KIF15: variants seen among roughly 807,000 people sequenced by gnomAD.
The protein encoded by KIF15 is kinesin family member 15.
Under a neutral mutation model 190.6 loss-of-function variants are expected in KIF15, and 140 were observed. That is an observed-to-expected ratio of 0.73 (90% CI 0.64 to 0.84). The LOEUF (loss-of-function observed/expected upper bound fraction) is 0.84. Ranked by LOEUF, KIF15 falls within the 40% of genes least tolerant of loss-of-function variation. The pLI, the probability that KIF15 is intolerant of heterozygous loss-of-function variation, is 0.00. For missense variants in KIF15, 1,372 were observed against 1,584.4 expected, an observed-to-expected ratio of 0.87 and a Z score of 2.28; for synonymous variants, 528 against 551.3, an observed-to-expected ratio of 0.96 and a Z score of 0.59.
At chr3:44,801,209 GGGA>G (rs1575611056) in intron 11 of KIF15, among the ~76,000 whole-genome samples, 9 of 127,738 alleles carry the variant, frequency 7.0e-5, no homozygotes, top group Admixed American at 1.5e-4. Context: ...CGGGGGCGGC[GGGA>G]GGGGGGGGTC....
chr3:44,799,590 G>T (rs546312581), intron 10 of KIF15, among the ~76,000 whole-genome samples: 2 of 142,396 alleles, frequency 1.4e-5, no homozygotes, highest in East Asian at 2.0e-4. Context: ...ATAGAGTCTC[G>T]CTCTGTCAAC....
At position 44,848,781 on chromosome 3, in the gene KIF15, G is replaced by C. The variant is rs573228367; in HGVS notation, c.3806+223G>C. ...AGAAATAAATAGCAGGAAAAGCCTA[G>C]CTTCCCTTGAGGAATCGATGGGGCT... On this transcript the variant is annotated intron_variant, in intron 32 of 34. Coordinates refer to ENST00000326047, the MANE Select transcript of KIF15 (RefSeq NM_020242.3). 8.5e-5 allele frequency among the ~76,000 whole-genome samples: 13 copies of C among 152,250 alleles called. No homozygotes were observed. In the South Asian group the frequency reaches 2.7e-3, roughly 32 times the overall value.
intron 3 of KIF15, among the ~76,000 whole-genome samples, chr3:44,777,435 T>G (rs1436247500): frequency 2.6e-5 from 4 of 152,166 alleles, no homozygotes; most frequent in Non-Finnish European, 5.9e-5. Flanking sequence ...GGCTCACGCC[T>G]GTAATCCCAG....
intron 7 of KIF15, among the ~76,000 whole-genome samples, chr3:44,791,837 C>G (rs1457221686): frequency 2.0e-5 from 3 of 152,146 alleles, no homozygotes; most frequent in Non-Finnish European, 2.9e-5. Flanking sequence ...CCTGCCTCAG[C>G]CTCCCGAGTA....
chr3:44,820,984 C>A lies in KIF15; in HGVS notation c.2550-5055C>A, dbSNP rs1452675799. Among the ~76,000 whole-genome samples, 14 of 148,112 alleles carry A rather than the reference C, an allele frequency of 9.5e-5. No homozygotes were observed. In the East Asian group the frequency reaches 2.5e-3, roughly 27 times the overall value. On this transcript the variant is annotated intron_variant, in intron 20 of 34. Coordinates refer to ENST00000326047, the MANE Select transcript of KIF15 (RefSeq NM_020242.3). Reference sequence around the variant, plus strand: ...GGTGGCTGGCCGGGCAGGGGGCTGACCCCCCCACCTCCCTCCCGGACGGGG... The same window carrying A: ...GGTGGCTGGCCGGGCAGGGGGCTGAACCCCCCACCTCCCTCCCGGACGGGG...
intron 3 of KIF15, among the ~76,000 whole-genome samples, chr3:44,777,213 GT>G (rs980044050): frequency 1.3e-5 from 2 of 151,732 alleles, no homozygotes; most frequent in Non-Finnish European, 2.9e-5. Flanking sequence ...CCCTAGGCTG[GT>G]CTCGAACTCC....
intron 6 of KIF15, among the ~76,000 whole-genome samples, chr3:44,867,314 G>A (rs1265057112): frequency 6.6e-6 from 1 of 152,142 alleles, no homozygotes; most frequent in Non-Finnish European, 1.5e-5. Flanking sequence ...TTGGTCACCA[G>A]CCACCTACCT....
intron 1 of KIF15, among the ~76,000 whole-genome samples, chr3:44,774,163 G>A (rs1705760710): frequency 6.6e-6 from 1 of 152,130 alleles, no homozygotes; most frequent in Non-Finnish European, 1.5e-5. Flanking sequence ...CAATGACCTG[G>A]GCAGCATTTG....
chr3:44,801,637 G>C (rs897567400), intron 12 of KIF15, 111 bp downstream of exon 12: 3 of 944,034 alleles, frequency 3.2e-6, no homozygotes, highest in Non-Finnish European at 4.9e-6. Context: ...TAAAGTAATG[G>C]AAGGCTATGA....
chr3:44,857,792 C>T (rs1699203402), downstream of KIF15, among the ~76,000 whole-genome samples: 1 of 152,020 alleles, frequency 6.6e-6, no homozygotes, highest in African/African-American at 2.4e-5. Context: ...AGAGAGAGCA[C>T]GTATGTTTTT....
intron 6 of KIF15, chr3:44,864,105 G>C: frequency 6.5e-7 from 1 of 1,533,996 alleles, no homozygotes; most frequent in Non-Finnish European, 8.9e-7. Context: ...AGGAGCCTGG[G>C]TGCCAGCAAC....
chr3:44,767,768 C>G (rs1413352166), intron 1 of KIF15, among the ~76,000 whole-genome samples: 1 of 151,390 alleles, frequency 6.6e-6, no homozygotes, highest in Admixed American at 6.6e-5. Flanking sequence ...GGTGGCAGGC[C>G]CCTGTAGTCC....
At chr3:44,764,449 T>C (rs1226883151) in intron 1 of KIF15, among the ~76,000 whole-genome samples, 2 of 152,346 alleles carry the variant, frequency 1.3e-5, no homozygotes, top group African/African-American at 2.4e-5. Flanking sequence ...TTTTCATTGC[T>C]GTGTAGTGTT....
intron 23 of KIF15, 114 bp downstream of exon 23, chr3:44,827,642 A>T (rs1415734157): frequency 1.7e-6 from 1 of 580,282 alleles, no homozygotes; most frequent in African/African-American, 2.0e-5. Flanking sequence ...TTAGTAAGAA[A>T]GAAATGGAAT....
chr3:44,806,040 A>G, intron 16 of KIF15, 54 bp downstream of exon 16: 2 of 1,570,796 alleles, frequency 1.3e-6, no homozygotes, highest in African/African-American at 2.7e-5. Flanking sequence ...TCATTTTATT[A>G]ATAATGGAGA....
At chr3:44,831,854 A>G (rs1698089523) in intron 26 of KIF15, among the ~76,000 whole-genome samples, 1 of 152,186 alleles carries the variant, frequency 6.6e-6, no homozygotes, top group African/African-American at 2.4e-5. Context: ...TTCCCCACAC[A>G]GATGATAACC....
At chr3:44,766,529 A>G (rs1041622018) in intron 1 of KIF15, among the ~76,000 whole-genome samples, 1 of 152,132 alleles carries the variant, frequency 6.6e-6, no homozygotes, top group Non-Finnish European at 1.5e-5. Context: ...TCAGGTAGCT[A>G]GCTGGAGACA....
intron 4 of KIF15, among the ~76,000 whole-genome samples, chr3:44,779,778 G>A (rs1449622410): frequency 6.9e-6 from 1 of 145,410 alleles, no homozygotes; most frequent in Non-Finnish European, 1.5e-5. Context: ...AGGTTGCAGT[G>A]AGCCGAGATC....
At chr3:44,786,303 C>A in intron 6 of KIF15, 92 bp from the exon 7 acceptor site, 1 of 1,004,690 alleles carries the variant, frequency 1.0e-6, no homozygotes, top group Non-Finnish European at 1.5e-6. Context: ...AGGAAATTTA[C>A]ATCTTGTGAA....
Sources: gnomAD v4.1 joint callset for allele counts (sites outside exome capture counted in the v4.1 genomes callset) on GRCh38, gnomAD v4.1.1 for gene constraint, MANE v1.5 for transcripts, NCBI Gene and HGNC (gene_info 2026-07-23, HGNC 2026-07-21) for gene names.